Variants in SLC7A1 observed in about 807,000 individuals in gnomAD.
SLC7A1 encodes high affinity cationic amino acid transporter 1.
SLC7A1 carries 10 observed loss-of-function variants against 53.9 expected under a neutral mutation model. The ratio of observed to expected loss-of-function variants is 0.19; its 90% confidence interval spans 0.11 to 0.31. The LOEUF is 0.31. SLC7A1 is among the 10% of genes least tolerant of loss of function. SLC7A1 has a pLI of 1.00. For missense variants in SLC7A1, 525 were observed against 827.2 expected, an observed-to-expected ratio of 0.63 and a Z score of 4.48; for synonymous variants, 342 against 338.7, an observed-to-expected ratio of 1.01 and a Z score of -0.11.
intron 1 of SLC7A1, among the ~76,000 whole-genome samples, chr13:29,567,835 C>T (rs184282252): frequency 6.7e-6 from 1 of 148,850 alleles, no homozygotes; most frequent in African/African-American, 2.5e-5. Flanking sequence ...CAAGTCTTGG[C>T]CTCTTTTTTT....
intron 1 of SLC7A1, among the ~76,000 whole-genome samples, chr13:29,559,935 T>G (rs1366029432): frequency 6.6e-6 from 1 of 152,122 alleles, no homozygotes; most frequent in African/African-American, 2.4e-5. Context: ...CAGGATGGTC[T>G]CAATCTCCTG....
chr13:29,531,883 T>A (rs1869179589), intron 4 of SLC7A1, among the ~76,000 whole-genome samples: 1 of 152,188 alleles, frequency 6.6e-6, no homozygotes, highest in African/African-American at 2.4e-5. Flanking sequence ...CTTTTGAGAT[T>A]GAATTATAAA....
chr13:29,536,900 T>C (rs1377169316), intron 2 of SLC7A1, among the ~76,000 whole-genome samples: 2 of 148,800 alleles, frequency 1.3e-5, no homozygotes, highest in African/African-American at 2.6e-5. Flanking sequence ...TATGCATATC[T>C]GATATGCTCT....
chr13:29,557,594 C>T (rs936055497), intron 1 of SLC7A1, among the ~76,000 whole-genome samples: 1 of 150,210 alleles, frequency 6.7e-6, no homozygotes, highest in Admixed American at 6.6e-5. Context: ...AAATTGGTAC[C>T]ATGAACTTAC....
intron 2 of SLC7A1, among the ~76,000 whole-genome samples, chr13:29,541,458 G>A (rs906638834): frequency 6.6e-5 from 10 of 152,166 alleles, no homozygotes; most frequent in African/African-American, 2.4e-4. Flanking sequence ...CAGGTGAACT[G>A]AGTCTGGTAC....
chr13:29,552,157 T>C (rs1006405340), intron 2 of SLC7A1, among the ~76,000 whole-genome samples: 1 of 151,750 alleles, frequency 6.6e-6, no homozygotes, highest in Non-Finnish European at 1.5e-5. Flanking sequence ...GAATTAACGA[T>C]ATGAACTGCC....
At chr13:29,545,511 AT>A in intron 2 of SLC7A1, among the ~76,000 whole-genome samples, 1 of 152,242 alleles carries the variant, frequency 6.6e-6, no homozygotes, top group South Asian at 2.1e-4. Context: ...TGAGGCTCAC[AT>A]GAGACAATGT....
intron 8 of SLC7A1, among the ~76,000 whole-genome samples, chr13:29,522,101 T>C (rs1868655168): frequency 6.6e-6 from 1 of 152,178 alleles, no homozygotes; most frequent in African/African-American, 2.4e-5. Context: ...GAGTGCAAAC[T>C]GTTCAAAAAT....
chr13:29,574,250 AG>A (rs1189444616), intron 1 of SLC7A1, among the ~76,000 whole-genome samples: 2 of 152,224 alleles, frequency 1.3e-5, no homozygotes, highest in African/African-American at 4.8e-5. Context: ...ATTAAAAAAC[AG>A]GGTTCTTGAC....
chr13:29,523,388 C>A lies in SLC7A1; in HGVS notation c.927G>T (p.Thr309=). Residue 309 remains threonine (T), a synonymous_variant, in exon 7 of 13, where the codon ACG becomes ACT. Coordinates refer to ENST00000380752, the MANE Select transcript of SLC7A1 (RefSeq NM_003045.5). ...IAYFGVSAAL[T]LMMPYFCLDN... is the part of the protein sequence containing the mutation. ...CCAGGCAGAAGTAGGGCATCATGAG[C>A]GTGAGGGCAGCCGACACCCCAAAGT... The A allele has an allele frequency of 6.2e-7, 1 of 1,613,768 alleles. No individual in the cohort carries two copies. Among genetic ancestry groups the A allele is most frequent in the South Asian group, 1.1e-5 (1 of 91,072 alleles).
At chr13:29,530,740 T>C in intron 4 of SLC7A1, 28 bp from the exon 5 acceptor site, 2 of 1,603,780 alleles carry the variant, frequency 1.2e-6, no homozygotes, top group Non-Finnish European at 8.5e-7. Context: ...CACAAAACTT[T>C]GTCTGAGTGT....
chr13:29,524,887 T>G (rs1401521808), intron 5 of SLC7A1, among the ~76,000 whole-genome samples: 1 of 152,056 alleles, frequency 6.6e-6, no homozygotes, highest in African/African-American at 2.4e-5. Flanking sequence ...ATAAGCACAG[T>G]TTACAAACTC....
intron 8 of SLC7A1, among the ~76,000 whole-genome samples, chr13:29,520,215 C>T (rs991462108): frequency 1.3e-5 from 2 of 152,130 alleles, no homozygotes; most frequent in Admixed American, 6.5e-5. Context: ...CATCCAGCTC[C>T]GGTCAGAGTG....
At position 29,556,876 on chromosome 13, in the gene SLC7A1, T is replaced by C. The variant is rs561795315; in HGVS notation, c.-114-3016A>G. On this transcript the variant is annotated intron_variant, in intron 1 of 12. Transcript: ENST00000380752. ...CTCAACAGGAAGAACGCTGCTCTCCTGCCTCTTAGGCATGAATTCAGCAGC... is the reference window on the plus strand; with the variant it reads ...CTCAACAGGAAGAACGCTGCTCTCCCGCCTCTTAGGCATGAATTCAGCAGC... Among the ~76,000 whole-genome samples, 3 of 152,362 alleles carry C rather than the reference T, an allele frequency of 2.0e-5. No individual in the cohort carries two copies. The South Asian group carries it at 6.2e-4, about 32-fold the overall frequency.
intron 1 of SLC7A1, among the ~76,000 whole-genome samples, chr13:29,563,904 G>A (rs983027973): frequency 2.6e-5 from 4 of 152,174 alleles, no homozygotes; most frequent in Non-Finnish European, 4.4e-5. Flanking sequence ...ATCTTGAGCC[G>A]GTGAGAGGCA....
intron 5 of SLC7A1, among the ~76,000 whole-genome samples, chr13:29,529,907 G>A (rs1427376326): frequency 6.6e-6 from 1 of 152,130 alleles, no homozygotes; most frequent in African/African-American, 2.4e-5. Context: ...GGCTGGGCGA[G>A]AGACCTGAGA....
chr13:29,549,472 A>G (rs1236367750), intron 2 of SLC7A1, among the ~76,000 whole-genome samples: 10 of 152,284 alleles, frequency 6.6e-5, no homozygotes, highest in Admixed American at 6.5e-4. Flanking sequence ...GACCAATACC[A>G]TGACCACACA....
Position 29,582,821 on chromosome 13 carries a change from C to T in SLC7A1, c.-115+12595G>A, listed in dbSNP as rs147777383. Among the ~76,000 whole-genome samples the T allele has an allele frequency of 7.2e-5, 11 of 152,344 alleles. No individual in the cohort carries two copies. In the East Asian group the frequency reaches 1.9e-3, roughly 27 times the overall value. ...CTATTACATTATGCCAAGTACTTAA[C>T]TTGCACACTCACTGAGATACGTTCC... On this transcript the variant is annotated intron_variant, in intron 1 of 12. Transcript: ENST00000380752.
Position 29,530,670 on chromosome 13 carries a change from T to C in SLC7A1, c.572A>G (p.Lys191Arg), listed in dbSNP as rs953824425. The change falls in exon 5 of 13, where the codon AAA becomes AGA. Residue 191 changes from lysine to arginine, a missense_variant. Physicochemically the swap from Lys to Arg is conservative, Grantham distance 26. Around this residue, in one of 4 missense-constraint regions of SLC7A1, gnomAD observed 354 missense variants for 587.5 expected, o/e 0.60. Coordinates refer to ENST00000380752, the MANE Select transcript of SLC7A1 (RefSeq NM_003045.5). The part of the protein sequence containing the change: ...LGVKESAMVN[K>R]IFTCINVLVL... ...CAGGACGTTAATACAAGTGAATATT[T>C]TGTTGACCATGGCCGACTCTTTCAC... 1 of 1,614,132 alleles carries C rather than the reference T, an allele frequency of 6.2e-7. No individual in the cohort carries two copies. The highest frequency in any genetic ancestry group is 1.3e-5 in the African/African-American group (1 of 75,046).
Sources: gnomAD v4.1 joint callset for allele counts (sites outside exome capture counted in the v4.1 genomes callset) on GRCh38, gnomAD v4.1.1 for gene constraint, gnomAD v4.1.1 regional missense constraint, MANE v1.5 for transcripts, NCBI Gene and HGNC (gene_info 2026-07-23, HGNC 2026-07-21) for gene names.